Variants in PABPC4L observed in about 807,000 individuals in gnomAD.
The protein encoded by PABPC4L is polyadenylate-binding protein 4-like.
For missense variants in PABPC4L, 452 were observed against 451.4 expected (o/e 1.00, Z -0.01); for synonymous variants, 169 against 164.1 (o/e 1.03, Z -0.23).
At chr4:134,016,971 TA>T in the PABPC4L span, among the ~76,000 whole-genome samples, 3 of 152,150 alleles carry the variant, frequency 2.0e-5, no homozygotes, top group African/African-American at 7.2e-5. Flanking sequence ...TTTCACTGGA[TA>T]GGTAGAGGCC....
chr4:134,112,678 T>C, the PABPC4L span, among the ~76,000 whole-genome samples: 1 of 151,890 alleles, frequency 6.6e-6, no homozygotes, highest in Admixed American at 6.6e-5. Flanking sequence ...CTAATGTATA[T>C]ATAATGGTTA....
chr4:134,126,805 T>C, the PABPC4L span, among the ~76,000 whole-genome samples: 3 of 152,146 alleles, frequency 2.0e-5, no homozygotes, highest in Admixed American at 6.6e-5. Flanking sequence ...AGATTTCCAC[T>C]GCAGGCTCTG....
At chr4:134,078,444 T>G in the PABPC4L span, among the ~76,000 whole-genome samples, 1 of 152,186 alleles carries the variant, frequency 6.6e-6, no homozygotes, top group African/African-American at 2.4e-5. Context: ...TTGCTTGTGC[T>G]TGCCATATTG....
Position 134,197,628 on chromosome 4 carries a change from G to A in PABPC4L, c.*2279C>T, listed in dbSNP as rs1729704912. The A allele has an allele frequency of 6.6e-6, 1 of 151,432 alleles. No homozygotes were observed. Among genetic ancestry groups the A allele is most frequent in the South Asian group, 2.1e-4 (1 of 4,814 alleles). 9.4% of individuals were successfully genotyped at this position (151,432 alleles called of 1,614,324 possible). On this transcript the variant is annotated 3_prime_UTR_variant, in exon 2 of 2. Transcript: ENST00000421491. Reference sequence around the variant, plus strand: ...ATGTAAATAAAAAACACCCCAACAGGAAAATAAATTATGATCATGAGACAT... The same window carrying A: ...ATGTAAATAAAAAACACCCCAACAGAAAAATAAATTATGATCATGAGACAT...
the PABPC4L span, among the ~76,000 whole-genome samples, chr4:133,976,016 T>C: frequency 2.6e-5 from 4 of 152,158 alleles, no homozygotes; most frequent in Non-Finnish European, 5.9e-5. Flanking sequence ...GTTTGTTACA[T>C]AGGTAAATGT....
chr4:134,153,499 C>T, the PABPC4L span, among the ~76,000 whole-genome samples: 14 of 151,902 alleles, frequency 9.2e-5, no homozygotes, highest in Admixed American at 8.5e-4. Flanking sequence ...ATTTTATTTT[C>T]AAAATTTATT....
chr4:134,022,039 T>A, the PABPC4L span, among the ~76,000 whole-genome samples: 1 of 152,114 alleles, frequency 6.6e-6, no homozygotes, highest in Non-Finnish European at 1.5e-5. Flanking sequence ...GGAGCAGAAA[T>A]TTTATAGCTG....
the PABPC4L span, among the ~76,000 whole-genome samples, chr4:133,979,156 G>A: frequency 2.0e-5 from 3 of 152,166 alleles, no homozygotes; most frequent in Non-Finnish European, 4.4e-5. Context: ...AATTATTAAA[G>A]TTGACTAAGT....
chr4:134,200,624 A>T lies in PABPC4L; in HGVS notation c.396T>A (p.Asp132Glu). 7.7e-6 allele frequency: 12 copies of T among 1,551,676 alleles called. No homozygotes were observed. Among genetic ancestry groups the T allele is most frequent in the Non-Finnish European group, 1.0e-5 (12 of 1,146,978 alleles). ...GKILSSKVMS[D>E]DQGSKGYAFV... ...ATGCATAGCCCTTGGAGCCTTGATC[A>T]TCACTCATCACCTTGGAGGAAAGGA... Residue 132 changes from aspartate (D) to glutamate (E), a missense_variant, in exon 2 of 2, where the codon GAT becomes GAA. Asp to Glu is a conservative substitution (Grantham distance 45). Transcript: ENST00000421491.
chr4:134,170,170 G>C, the PABPC4L span, among the ~76,000 whole-genome samples: 1 of 151,944 alleles, frequency 6.6e-6, no homozygotes, highest in Non-Finnish European at 1.5e-5. Flanking sequence ...TACTTGGCTT[G>C]GTATAATTGT....
chr4:134,026,480 T>A, the PABPC4L span, among the ~76,000 whole-genome samples: 1 of 152,078 alleles, frequency 6.6e-6, no homozygotes, highest in African/African-American at 2.4e-5. Flanking sequence ...TATACATCCC[T>A]GTCACCTAGA....
At chr4:133,997,408 C>A in the PABPC4L span, among the ~76,000 whole-genome samples, 1 of 151,348 alleles carries the variant, frequency 6.6e-6, no homozygotes, top group Non-Finnish European at 1.5e-5. Flanking sequence ...TGAAGATGTA[C>A]AATAAGATTA....
the PABPC4L span, among the ~76,000 whole-genome samples, chr4:134,178,875 T>A: frequency 6.6e-6 from 1 of 151,896 alleles, no homozygotes; most frequent in South Asian, 2.1e-4. Context: ...GAATAAAACA[T>A]CTGAGGAAAA....
At chr4:134,114,217 C>T in the PABPC4L span, among the ~76,000 whole-genome samples, 1 of 151,650 alleles carries the variant, frequency 6.6e-6, no homozygotes, top group Non-Finnish European at 1.5e-5. Context: ...TTCAGAGACT[C>T]TCTTCACATC....
the PABPC4L span, among the ~76,000 whole-genome samples, chr4:134,055,575 A>G: frequency 6.6e-6 from 1 of 150,964 alleles, no homozygotes. Flanking sequence ...TTATGACAGT[A>G]CTAGAAGACT....
At chr4:133,990,865 T>G in the PABPC4L span, among the ~76,000 whole-genome samples, 1 of 152,174 alleles carries the variant, frequency 6.6e-6, no homozygotes, top group Non-Finnish European at 1.5e-5. Context: ...AGTTTCTGGA[T>G]AAGAGAATTA....
the PABPC4L span, among the ~76,000 whole-genome samples, chr4:134,060,051 T>C: frequency 6.6e-6 from 1 of 152,070 alleles, no homozygotes; most frequent in African/African-American, 2.4e-5. Flanking sequence ...AGCACAGTGA[T>C]TGCGAGACAT....
chr4:134,129,084 A>G, the PABPC4L span, among the ~76,000 whole-genome samples: 2 of 152,174 alleles, frequency 1.3e-5, no homozygotes, highest in Non-Finnish European at 2.9e-5. Flanking sequence ...CAAAACGGAC[A>G]TTATATAATG....
the PABPC4L span, among the ~76,000 whole-genome samples, chr4:134,069,201 G>A: frequency 6.6e-6 from 1 of 152,164 alleles, no homozygotes; most frequent in African/African-American, 2.4e-5. Context: ...CTGTTACCCT[G>A]TTAAGTTTCC....
Sources: gnomAD v4.1 joint callset for allele counts (sites outside exome capture counted in the v4.1 genomes callset) on GRCh38, gnomAD v4.1.1 for gene constraint, MANE v1.5 for transcripts, NCBI Gene and HGNC (gene_info 2026-07-23, HGNC 2026-07-21) for gene names.